PALM: variants seen among roughly 807,000 people sequenced by gnomAD.
The protein encoded by PALM is paralemmin.
Under a neutral mutation model 30.7 loss-of-function variants are expected in PALM, and 18 were observed. The ratio of observed to expected loss-of-function variants is 0.59; its 90% CI spans 0.41 to 0.87. PALM has a LOEUF of 0.87. Ranked by LOEUF, PALM falls within the 40% of genes least tolerant of loss-of-function variation. The pLI is 0.00. For missense variants in PALM, 529 were observed against 555.4 expected, an observed-to-expected ratio of 0.95 and a Z score of 0.48; for synonymous variants, 286 against 242.8, an observed-to-expected ratio of 1.18 and a Z score of -1.66.
chr19:727,192 C>A (rs897927353), intron 3 of PALM, 104 bp downstream of exon 3: 79 of 758,594 alleles, frequency 1.0e-4, no homozygotes, highest in Non-Finnish European at 1.6e-4. Flanking sequence ...CCCAACCTGA[C>A]CCTGACCCTG....
intron 2 of PALM, 84 bp from the exon 3 acceptor site, chr19:726,924 G>A (rs1006280476): frequency 2.3e-5 from 20 of 862,562 alleles, no homozygotes; most frequent in East Asian, 8.0e-5. Context: ...AAGCAGGATC[G>A]GGCTGGGCAG....
In PALM at chr19:709,228, C is replaced by A; in HGVS notation, c.5+77C>A. ...CGGGGAGGGGGGAGGCCCCCTCTCT[C>A]GCGCCCCATTGGGGGCGTCGCTGCC... On this transcript the variant is annotated intron_variant, in intron 1 of 8. Coordinates refer to ENST00000338448, the MANE Select transcript of PALM (RefSeq NM_002579.3). This position sits in a 1 kb window ranked among gnomAD's most constrained non-coding sequence, Gnocchi z 4.3. 3.3e-6 allele frequency: 1 copy of A among 299,222 alleles called. No individual in the cohort carries two copies. The highest frequency in any genetic ancestry group is 1.5e-4 in the South Asian group (1 of 6,862). 18.5% of individuals were successfully genotyped at this position (299,222 alleles called of 1,614,324 possible).
chr19:731,181 G>A lies in PALM; in HGVS notation c.356G>A (p.Arg119Gln), dbSNP rs756128231. Residue 119 changes from arginine to glutamine, a missense_variant, in exon 5 of 9, where the codon CGG becomes CAG. By Grantham distance (43) the Arg-to-Gln change is conservative (BLOSUM62 1). Coordinates refer to ENST00000338448, the MANE Select transcript of PALM (RefSeq NM_002579.3). The part of the protein sequence containing the change: ...KENAAAPSPV[R>Q]APAPSPAKEE... The stretch of plus-strand genomic sequence containing the variant: ...AACGCGGCGGCCCCGAGCCCAGTCC[G>A]GGCCCCAGCCCCGAGTCCAGCCAAG... The A allele has an allele frequency of 2.1e-5, 34 of 1,610,290 alleles. No individual in the cohort carries two copies. Among genetic ancestry groups the A allele is most frequent in the African/African-American group, 9.4e-5 (7 of 74,864 alleles).
At chr19:729,257 C>T (rs1019993910) in intron 4 of PALM, among the ~76,000 whole-genome samples, 18 of 151,006 alleles carry the variant, frequency 1.2e-4, no homozygotes, top group Non-Finnish European at 1.2e-4. Flanking sequence ...ACCCAGGAGG[C>T]GGAGGTTTCA....
At chr19:726,213 C>T (rs201346381) in intron 2 of PALM, 24 bp downstream of exon 2, 176 of 1,608,672 alleles carry the variant, frequency 1.1e-4, no homozygotes, top group Non-Finnish European at 1.3e-4. Context: ...GCCCCGCAGA[C>T]GGTGTGGTCA....
chr19:726,101 C>T lies in PALM; in HGVS notation c.6-37C>T, dbSNP rs766487968. ...ACCGCGTCTGACGGACAGCAGGGCT[C>T]AGTGAACCAGAGCTTGACCTTATCT... is the stretch of plus-strand genomic sequence containing the variant. On this transcript the variant is annotated intron_variant, in intron 1 of 8. Coordinates refer to ENST00000338448, the MANE Select transcript of PALM (RefSeq NM_002579.3). 3.2e-6 allele frequency: 5 copies of T among 1,546,060 alleles called. No individual in the cohort carries two copies. The East Asian group carries it at 6.7e-5, about 21-fold the overall frequency.
intron 5 of PALM, among the ~76,000 whole-genome samples, chr19:733,634 G>T (rs116660714): frequency 6.6e-6 from 1 of 152,202 alleles, no homozygotes; most frequent in African/African-American, 2.4e-5. Context: ...CGGAGGAGCC[G>T]GCTGGATTCA....
chr19:741,388 C>G (rs2033183560), intron 8 of PALM, among the ~76,000 whole-genome samples: 1 of 126,580 alleles, frequency 7.9e-6, no homozygotes, highest in African/African-American at 3.0e-5. Context: ...AGTTGGGCTG[C>G]AGGAGTGAGG....
At chr19:722,641 C>G (rs1256505639) in intron 1 of PALM, 1 of 152,194 alleles carries the variant, frequency 6.6e-6, no homozygotes, top group African/African-American at 2.4e-5. Context: ...GGGTGGGGAA[C>G]TTGGGGTAGG....
intron 7 of PALM, among the ~76,000 whole-genome samples, chr19:738,810 C>T (rs2033101533): frequency 6.6e-6 from 1 of 152,134 alleles, no homozygotes; most frequent in African/African-American, 2.4e-5. Context: ...CTATGGGGGC[C>T]GAGGGGCCAG....
At chr19:729,308 A>G (rs1292780978) in intron 4 of PALM, among the ~76,000 whole-genome samples, 1 of 151,666 alleles carries the variant, frequency 6.6e-6, no homozygotes, top group African/African-American at 2.4e-5. Flanking sequence ...CCTGGGGGAC[A>G]GAGCGAGAAT....
intron 3 of PALM, 124 bp downstream of exon 3, chr19:727,212 C>G: frequency 1.5e-6 from 1 of 653,262 alleles, no homozygotes; most frequent in Non-Finnish European, 2.7e-6. Flanking sequence ...GCCTCCAGCC[C>G]TGACCCTGAC....
rs757851811 is a variant in PALM, at chr19:731,194, G to A, written c.369G>A (p.Pro123=). 17 of 1,611,226 alleles carry A rather than the reference G, an allele frequency of 1.1e-5. No individual in the cohort carries two copies. The highest frequency in any genetic ancestry group is 6.7e-5 in the East Asian group (3 of 44,818). The change falls in exon 5 of 9, where the codon CCG becomes CCA. Residue 123 remains proline (P), a synonymous_variant. Coordinates refer to ENST00000338448, the MANE Select transcript of PALM (RefSeq NM_002579.3). The part of the protein sequence containing the change: ...AAPSPVRAPA[P]SPAKEERKTE... ...CGAGCCCAGTCCGGGCCCCAGCCCC[G>A]AGTCCAGCCAAGGAGGAGCGCAAGA...
chr19:731,068 AC>A, intron 4 of PALM, 26 bp from the exon 5 acceptor site: 1 of 1,500,936 alleles, frequency 6.7e-7, no homozygotes, highest in Non-Finnish European at 9.0e-7. Flanking sequence ...TGCAGGAGTC[AC>A]CCTCACAGGC....
chr19:723,652 G>C (rs531594284), intron 1 of PALM, among the ~76,000 whole-genome samples: 2 of 149,618 alleles, frequency 1.3e-5, no homozygotes, highest in African/African-American at 4.9e-5. Context: ...AGTGCAGCGC[G>C]TGATCTCTGC....
chr19:736,164 C>T (rs1446424760), intron 7 of PALM, 86 bp downstream of exon 7: 12 of 874,332 alleles, frequency 1.4e-5, no homozygotes, highest in Middle Eastern at 2.3e-4. Flanking sequence ...GGGGCGGGGG[C>T]GACACCGACC....
chr19:735,934 G>A (rs1005709582), intron 6 of PALM, 85 bp from the exon 7 acceptor site: 3 of 1,148,422 alleles, frequency 2.6e-6, no homozygotes, highest in African/African-American at 3.1e-5. Flanking sequence ...ATGCACTTCT[G>A]TGAAGGGGCG....
chr19:728,799 C>T (rs4919823), intron 4 of PALM, among the ~76,000 whole-genome samples: 62,473 of 151,530 alleles, frequency 0.41, 13,100 homozygotes, highest in Middle Eastern at 0.5. Context: ...GTCAGGAGAT[C>T]GAGACCATCC....
Position 742,694 on chromosome 19 carries a change from G to A in PALM, c.634+2211G>A, listed in dbSNP as rs776273807. Among the ~76,000 whole-genome samples, 10 of 152,212 alleles carry A rather than the reference G, an allele frequency of 6.6e-5. No homozygotes were observed. Among genetic ancestry groups the A allele is most frequent in the Middle Eastern group, 3.4e-3 (1 of 292 alleles). ...TCTGGCGTCTCTCACTGGGCGTGAC[G>A]TCCCCAAGGTGCATCGGCACTGTGG... On this transcript the variant is annotated intron_variant, in intron 8 of 8. Transcript: ENST00000338448. The surrounding 1 kb of genome is among the most constrained non-coding windows in gnomAD (Gnocchi z 5.5).
Sources: gnomAD v4.1 joint callset for allele counts (sites outside exome capture counted in the v4.1 genomes callset) on GRCh38, gnomAD v4.1.1 for gene constraint, Gnocchi (gnomAD v3.1) non-coding constraint, MANE v1.5 for transcripts, NCBI Gene and HGNC (gene_info 2026-07-23, HGNC 2026-07-21) for gene names.